Variants in ZBTB7C observed in about 807,000 individuals in gnomAD.
The protein encoded by ZBTB7C is zinc finger and BTB domain-containing protein 7C.
ZBTB7C carries 8 observed loss-of-function variants against 25.7 expected under a neutral mutation model. The ratio of observed to expected loss-of-function variants is 0.31; its 90% CI spans 0.18 to 0.56. The LOEUF (loss-of-function observed/expected upper bound fraction) is 0.56, where lower values mean the gene tolerates loss of function less well. Ranked by LOEUF, ZBTB7C falls within the 20% of genes least tolerant of loss-of-function variation. ZBTB7C has a pLI of 0.91. For synonymous variants in ZBTB7C, 394 were observed against 369.0 expected, an observed-to-expected ratio of 1.07 and a Z score of -0.78; for missense variants, 824 against 855.2, an observed-to-expected ratio of 0.96 and a Z score of 0.46.
At chr18:48,227,861 C>T (rs183620100) in intron 2 of ZBTB7C, among the ~76,000 whole-genome samples, 3 of 152,296 alleles carry the variant, frequency 2.0e-5, no homozygotes, top group Admixed American at 2.0e-4. Flanking sequence ...CCTTCTCTCC[C>T]TCTCAGAGTG....
intron 2 of ZBTB7C, among the ~76,000 whole-genome samples, chr18:48,277,625 T>A (rs2044703277): frequency 6.6e-6 from 1 of 152,212 alleles, no homozygotes; most frequent in Non-Finnish European, 1.5e-5. Flanking sequence ...TATGGCTGCA[T>A]CATGAAGGGC....
intron 1 of ZBTB7C, among the ~76,000 whole-genome samples, chr18:48,345,562 C>T (rs773305012): frequency 6.6e-5 from 10 of 151,588 alleles, no homozygotes; most frequent in Non-Finnish European, 1.0e-4. Flanking sequence ...ACCCCCAGAC[C>T]TCCATCCCAC....
chr18:48,156,141 G>A (rs143710610), intron 3 of ZBTB7C, among the ~76,000 whole-genome samples: 1 of 152,298 alleles, frequency 6.6e-6, no homozygotes, highest in Non-Finnish European at 1.5e-5. Context: ...TACAGGGCAA[G>A]GTAAACATAC....
At chr18:48,412,477 C>G (rs2048388222), upstream of ZBTB7C, among the ~76,000 whole-genome samples, 1 of 152,128 alleles carries the variant, frequency 6.6e-6, no homozygotes, top group African/African-American at 2.4e-5. Context: ...GTTGCCACCG[C>G]TGGGTAGTGT....
chr18:48,069,430 T>G (rs1374326709), intron 3 of ZBTB7C, among the ~76,000 whole-genome samples: 1 of 152,186 alleles, frequency 6.6e-6, no homozygotes, highest in Non-Finnish European at 1.5e-5. Context: ...CTGCCTTGTG[T>G]AGTCCTTGAG....
intron 1 of ZBTB7C, among the ~76,000 whole-genome samples, chr18:48,392,644 AAT>A (rs2047928639): frequency 6.6e-6 from 1 of 152,184 alleles, no homozygotes; most frequent in South Asian, 2.1e-4. Context: ...CTTTTACCAG[AAT>A]CTCTCCCCTA....
chr18:48,290,919 G>C (rs952152608), intron 2 of ZBTB7C, among the ~76,000 whole-genome samples: 3 of 152,226 alleles, frequency 2.0e-5, no homozygotes, highest in Non-Finnish European at 2.9e-5. Context: ...AATATATGAA[G>C]TAGTAATCTC....
chr18:48,233,248 AC>A (rs1472100519), intron 2 of ZBTB7C, among the ~76,000 whole-genome samples: 1 of 151,240 alleles, frequency 6.6e-6, no homozygotes, highest in Non-Finnish European at 1.5e-5. Flanking sequence ...CTCTCCCTTC[AC>A]CCCCCACCTT....
rs2036246920 is a variant in ZBTB7C at position 48,041,660 on chromosome 18, G to A, written c.-16-537C>T. The A allele has an allele frequency of 1.0e-5, 4 of 401,580 alleles. No homozygotes were observed. The South Asian group carries it at 4.2e-4, about 42-fold the overall frequency. 24.9% of individuals were successfully genotyped at this position (401,580 alleles called of 1,614,324 possible). A position where few individuals can be genotyped will look rare whatever the true frequency, so the allele number is the denominator to read the frequency against. On this transcript the variant is annotated intron_variant, in intron 3 of 4. Transcript: ENST00000590800. ...TGGCCCATTTTCAGCAAGTAAATGG[G>A]GGCCTTGTGGTATGTTTTGCTTCCT...
intron 3 of ZBTB7C, among the ~76,000 whole-genome samples, chr18:48,173,045 C>T (rs2041544745): frequency 6.6e-6 from 1 of 152,202 alleles, no homozygotes; most frequent in Non-Finnish European, 1.5e-5. Context: ...TTGAAAGCTC[C>T]GACTTTCCTC....
intron 2 of ZBTB7C, among the ~76,000 whole-genome samples, chr18:48,336,137 G>C (rs2046452239): frequency 1.3e-5 from 2 of 152,148 alleles, no homozygotes; most frequent in African/African-American, 4.8e-5. Flanking sequence ...TGTGTGCCCA[G>C]CAACTGCCAA....
chr18:48,299,025 G>A (rs11665329), intron 2 of ZBTB7C, among the ~76,000 whole-genome samples: 1 of 151,962 alleles, frequency 6.6e-6, no homozygotes, highest in Admixed American at 6.6e-5. Context: ...AGACACAAGC[G>A]CCCAGTCCTG....
intron 2 of ZBTB7C, among the ~76,000 whole-genome samples, chr18:48,232,207 G>T (rs918300027): frequency 6.6e-6 from 1 of 152,210 alleles, no homozygotes; most frequent in Non-Finnish European, 1.5e-5. Flanking sequence ...CTGAGACAAT[G>T]TGAAGATAGA....
chr18:48,367,969 G>GAA (rs111445387), intron 1 of ZBTB7C, among the ~76,000 whole-genome samples: 11 of 137,308 alleles, frequency 8.0e-5, no homozygotes, highest in Admixed American at 2.2e-4. Flanking sequence ...CACTGGAGGA[G>GAA]AAAAAAAAAA....
chr18:48,159,289 C>T (rs1231841325), intron 3 of ZBTB7C, among the ~76,000 whole-genome samples: 1 of 151,856 alleles, frequency 6.6e-6, no homozygotes, highest in Non-Finnish European at 1.5e-5. Context: ...TGGTCTTCTA[C>T]TTAATCAACC....
chr18:48,352,299 C>T (rs1264582543), intron 1 of ZBTB7C, among the ~76,000 whole-genome samples: 8 of 152,220 alleles, frequency 5.3e-5, no homozygotes, highest in African/African-American at 1.7e-4. Flanking sequence ...AGAGTGACTA[C>T]CTGCCTTGCC....
intron 3 of ZBTB7C, among the ~76,000 whole-genome samples, chr18:48,114,057 T>C (rs75221883): frequency 0.014 from 2,188 of 152,234 alleles, 42 homozygotes; most frequent in African/African-American, 0.048. Context: ...CCCTCCACCG[T>C]GGTCATCTTC....
intron 2 of ZBTB7C, among the ~76,000 whole-genome samples, chr18:48,266,200 T>C (rs1393918398): frequency 6.6e-6 from 1 of 152,156 alleles, no homozygotes; most frequent in African/African-American, 2.4e-5. Context: ...GAGGTTTAAG[T>C]GGTCGATGGA....
chr18:48,254,065 T>C (rs2043948530), intron 2 of ZBTB7C, among the ~76,000 whole-genome samples: 1 of 152,192 alleles, frequency 6.6e-6, no homozygotes, highest in African/African-American at 2.4e-5. Flanking sequence ...ATGACTCTGA[T>C]ATAGGAGTTA....
Sources: allele counts gnomAD v4.1 joint callset (sites outside exome capture counted in the v4.1 genomes callset), GRCh38; gene constraint gnomAD v4.1.1; transcripts MANE v1.5; gene names NCBI Gene and HGNC (gene_info 2026-07-23, HGNC 2026-07-21).